The following GNAQ variants were observed in gnomAD, a reference collection of about 807,000 sequenced individuals.
GNAQ encodes the protein G protein subunit alpha q.
A neutral mutation model predicts 43.9 loss-of-function variants in GNAQ; 8 were observed. The observed-to-expected ratio is 0.18, with a 90% CI of 0.11 to 0.33. GNAQ has a LOEUF of 0.33. GNAQ is among the 10% of genes least tolerant of loss of function. The pLI is 1.00. For synonymous variants in GNAQ, 155 were observed against 170.7 expected (o/e 0.91, Z 0.71); for missense variants, 158 against 450.8 (o/e 0.35, Z 5.88).
intron 2 of GNAQ, among the ~76,000 whole-genome samples, chr9:77,887,817 T>G (rs1193797280): frequency 2.6e-5 from 4 of 152,242 alleles, no homozygotes; most frequent in Non-Finnish European, 5.9e-5. Context: ...CACACTATTA[T>G]TCCCCAAGGC....
chr9:77,914,463 T>G (rs563829393), intron 2 of GNAQ, among the ~76,000 whole-genome samples: 1 of 152,240 alleles, frequency 6.6e-6, no homozygotes, highest in African/African-American at 2.4e-5. Context: ...GTTTGAGATT[T>G]AGCCTGACCA....
intron 2 of GNAQ, among the ~76,000 whole-genome samples, chr9:77,872,934 C>T (rs1819830842): frequency 6.6e-6 from 1 of 152,174 alleles, no homozygotes; most frequent in Non-Finnish European, 1.5e-5. Context: ...TGGAGTCTGA[C>T]AGAAGGAAGA....
At chr9:77,938,427 T>G (rs1446266982) in intron 1 of GNAQ, among the ~76,000 whole-genome samples, 1 of 152,142 alleles carries the variant, frequency 6.6e-6, no homozygotes, top group African/African-American at 2.4e-5. Flanking sequence ...ATAGGACTCA[T>G]GAAGAAGACA....
chr9:77,744,991 C>A (rs904663178), intron 5 of GNAQ, among the ~76,000 whole-genome samples: 1 of 152,050 alleles, frequency 6.6e-6, no homozygotes, highest in Non-Finnish European at 1.5e-5. Flanking sequence ...GGCAGTGAAC[C>A]CAGAAAGGAT....
intron 2 of GNAQ, among the ~76,000 whole-genome samples, chr9:77,861,344 A>G (rs1237396610): frequency 6.6e-6 from 1 of 152,180 alleles, no homozygotes; most frequent in Non-Finnish European, 1.5e-5. Flanking sequence ...CCAAACCATT[A>G]TTATTCTGCC....
intron 2 of GNAQ, among the ~76,000 whole-genome samples, chr9:77,846,259 C>A (rs966144292): frequency 6.6e-6 from 1 of 152,182 alleles, no homozygotes; most frequent in African/African-American, 2.4e-5. Context: ...CAAGTCAGGG[C>A]CCTCAATTCC....
chr9:77,821,724 GGTGTGT>G (rs1554718670), intron 2 of GNAQ, among the ~76,000 whole-genome samples: 3 of 142,402 alleles, frequency 2.1e-5, no homozygotes, highest in African/African-American at 5.3e-5. Flanking sequence ...TCCTAGTATG[GGTGTGT>G]GTGTGTGTGT....
chr9:77,759,447 C>G (rs1174768320), intron 5 of GNAQ, among the ~76,000 whole-genome samples: 2 of 151,850 alleles, frequency 1.3e-5, no homozygotes, highest in Non-Finnish European at 1.5e-5. Flanking sequence ...TGGGATAATC[C>G]TTTGCCAAGC....
At chr9:77,973,470 A>C (rs1018431221) in intron 1 of GNAQ, among the ~76,000 whole-genome samples, 4 of 152,212 alleles carry the variant, frequency 2.6e-5, no homozygotes, top group Non-Finnish European at 1.5e-5. Context: ...TTCATTAGGA[A>C]GAGTTCACAA....
intron 2 of GNAQ, among the ~76,000 whole-genome samples, chr9:77,816,784 A>G (rs1307543123): frequency 6.6e-6 from 1 of 152,222 alleles, no homozygotes; most frequent in Non-Finnish European, 1.5e-5. Context: ...TGATGACATC[A>G]TGGCCAAACT....
chr9:78,024,072 C>A (rs186265732), intron 1 of GNAQ, among the ~76,000 whole-genome samples: 169 of 152,230 alleles, frequency 1.1e-3, no homozygotes, highest in Non-Finnish European at 2.0e-3. Context: ...CATGATTAAT[C>A]CTGTAATAAA....
intron 3 of GNAQ, among the ~76,000 whole-genome samples, chr9:77,802,487 TA>T (rs934987161): frequency 8.0e-5 from 12 of 149,520 alleles, no homozygotes; most frequent in East Asian, 5.9e-4. Flanking sequence ...TTTTCTATTC[TA>T]AAAAAAAAAT....
At chr9:77,837,655 T>TA (rs55754927) in intron 2 of GNAQ, among the ~76,000 whole-genome samples, 81,529 of 149,256 alleles carry the variant, frequency 0.55, 24,708 homozygotes, top group Middle Eastern at 0.69. Context: ...AAAATTATTC[T>TA]AAAAAAAAAA....
intron 1 of GNAQ, among the ~76,000 whole-genome samples, chr9:78,013,437 A>G (rs1823798994): frequency 6.6e-6 from 1 of 151,674 alleles, no homozygotes; most frequent in Admixed American, 6.6e-5. Context: ...AACATTAGGT[A>G]TATCTCCTAA....
intron 1 of GNAQ, among the ~76,000 whole-genome samples, chr9:77,942,529 C>G (rs1337274940): frequency 6.6e-6 from 1 of 152,084 alleles, no homozygotes; most frequent in East Asian, 1.9e-4. Context: ...AAAACCACAG[C>G]CTTTACATTA....
At chr9:77,733,251 G>A (rs1371687127) in intron 5 of GNAQ, among the ~76,000 whole-genome samples, 1 of 152,124 alleles carries the variant, frequency 6.6e-6, no homozygotes, top group Non-Finnish European at 1.5e-5. Flanking sequence ...TCAGCAAAGG[G>A]TCTTATACCT....
chr9:77,934,741 A>G (rs1829206671), intron 1 of GNAQ, among the ~76,000 whole-genome samples: 1 of 152,258 alleles, frequency 6.6e-6, no homozygotes, highest in African/African-American at 2.4e-5. Context: ...CATGGAAAAC[A>G]AAAGTTACTG....
chr9:78,003,969 A>G (rs1232445272), intron 1 of GNAQ, among the ~76,000 whole-genome samples: 1 of 152,166 alleles, frequency 6.6e-6, no homozygotes, highest in East Asian at 1.9e-4. Flanking sequence ...ACACAAGACA[A>G]ATTACATATC....
chr9:77,941,389 A>G (rs1278045414), intron 1 of GNAQ, among the ~76,000 whole-genome samples: 3 of 152,060 alleles, frequency 2.0e-5, no homozygotes, highest in Non-Finnish European at 4.4e-5. Context: ...AGCTGGGACT[A>G]CAGGCACCCA....
Sources: allele counts gnomAD v4.1 joint callset (sites outside exome capture counted in the v4.1 genomes callset), GRCh38; gene constraint gnomAD v4.1.1; transcripts MANE v1.5; gene names NCBI Gene and HGNC (gene_info 2026-07-23, HGNC 2026-07-21).